Variants in LRRK2 observed in about 807,000 individuals in gnomAD.
LRRK2 encodes leucine-rich repeat serine/threonine-protein kinase 2.
LRRK2 carries 203 observed loss-of-function variants against 302.6 expected under a neutral mutation model. The observed-to-expected ratio is 0.67, with a 90% CI of 0.60 to 0.75. The LOEUF is 0.75. Ranked by LOEUF, LRRK2 falls within the 30% of genes least tolerant of loss-of-function variation. The pLI, the probability that LRRK2 is intolerant of heterozygous loss-of-function variation, is 0.00. For synonymous variants in LRRK2, 1,066 were observed against 1,031.9 expected, an observed-to-expected ratio of 1.03 and a Z score of -0.63; for missense variants, 2,830 against 2,951.0, an observed-to-expected ratio of 0.96 and a Z score of 0.95.
In LRRK2 at chr12:40,321,357, G is replaced by A. The variant is rs180879620; in HGVS notation, c.5170+169G>A. ...TAGAAAATAAGCTCATAAAACCTTG[G>A]AGTAGGCAATCTAAAGACACACAAG... On this transcript the variant is annotated intron_variant, in intron 35 of 50. Coordinates refer to ENST00000298910, the MANE Select transcript of LRRK2 (RefSeq NM_198578.4). 2.5e-4 allele frequency among the ~76,000 whole-genome samples: 38 copies of A among 152,082 alleles called. 1 individual carries two copies. Among genetic ancestry groups the A allele is most frequent in the Middle Eastern group, 6.8e-3 (2 of 294 alleles).
chr12:40,242,789 C>G (rs1941789869), intron 6 of LRRK2, among the ~76,000 whole-genome samples: 1 of 47,666 alleles, frequency 2.1e-5, no homozygotes, highest in East Asian at 7.0e-4. Flanking sequence ...TAAAAGTGTT[C>G]CTATTTCTCC....
chr12:40,308,484 T>TA lies in LRRK2; in HGVS notation c.3983dup (p.Ala1329GlyfsTer5). On this transcript the variant is annotated frameshift_variant, in exon 29 of 51. Coordinates refer to ENST00000298910, the MANE Select transcript of LRRK2 (RefSeq NM_198578.4). LOFTEE classifies it high-confidence loss of function. ...AATACTAGGTTTCTTCAACAGCGAT[T>TA]AAAAAAGGCTGTGCCTTATAACCGA... 1.9e-6 allele frequency: 3 copies of TA among 1,613,490 alleles called. No individual in the cohort carries two copies. Among genetic ancestry groups the TA allele is most frequent in the Non-Finnish European group, 1.7e-6 (2 of 1,179,752 alleles).
At chr12:40,327,912 C>T (rs1451222072) in intron 38 of LRRK2, among the ~76,000 whole-genome samples, 1 of 152,172 alleles carries the variant, frequency 6.6e-6, no homozygotes, top group Non-Finnish European at 1.5e-5. Flanking sequence ...GTCTTGTTAT[C>T]ATCAGCTATA....
intron 38 of LRRK2, among the ~76,000 whole-genome samples, chr12:40,326,022 T>C (rs1945536812): frequency 6.6e-6 from 1 of 152,232 alleles, no homozygotes; most frequent in East Asian, 1.9e-4. Flanking sequence ...AAAATTTCCT[T>C]GCCTTCAATT....
chr12:40,308,735 ATTTG>A (rs771235673), intron 29 of LRRK2, 39 bp downstream of exon 29: 1 of 1,578,096 alleles, frequency 6.3e-7, no homozygotes, highest in South Asian at 1.1e-5. Context: ...CACTTTTACC[ATTTG>A]TTTGGAACAG....
intron 26 of LRRK2, 102 bp from the exon 27 acceptor site, chr12:40,303,846 C>T (rs528130745): frequency 2.5e-5 from 27 of 1,092,486 alleles, no homozygotes; most frequent in Admixed American, 1.7e-4. Flanking sequence ...CTAGTTTTGA[C>T]GTTACACTTT....
intron 25 of LRRK2, among the ~76,000 whole-genome samples, chr12:40,302,224 A>T (rs962154034): frequency 6.6e-6 from 1 of 151,904 alleles, no homozygotes; most frequent in African/African-American, 2.4e-5. Flanking sequence ...AAAAATCATA[A>T]AATATACCAG....
chr12:40,246,967 A>C (rs1157500468), intron 7 of LRRK2, among the ~76,000 whole-genome samples: 3 of 152,198 alleles, frequency 2.0e-5, no homozygotes, highest in Admixed American at 2.0e-4. Flanking sequence ...TTGCTGAATA[A>C]TAAGGAATGA....
At chr12:40,348,530 A>G (rs1946261613) in intron 43 of LRRK2, 21 bp downstream of exon 43, 1 of 1,519,480 alleles carries the variant, frequency 6.6e-7, no homozygotes, top group South Asian at 1.1e-5. Flanking sequence ...AGTTTTGTTA[A>G]TATTTTGTAC....
chr12:40,246,217 ATATT>A (rs1200384235), intron 7 of LRRK2, among the ~76,000 whole-genome samples: 2 of 151,842 alleles, frequency 1.3e-5, no homozygotes, highest in East Asian at 1.9e-4. Context: ...AAATATTAAA[ATATT>A]TAATTTTATC....
Position 40,368,129 on chromosome 12 carries a change from A to C in LRRK2, c.*364A>C, listed in dbSNP as rs10878441. ...AAACTTTATTTTAAATTCTGTGCTT[A>C]AGACAGGACTATTGCTTGTCGATTT... On this transcript the variant is annotated 3_prime_UTR_variant, in exon 51 of 51. Coordinates refer to ENST00000298910, the MANE Select transcript of LRRK2 (RefSeq NM_198578.4). 105,258 of 169,954 alleles carry C rather than the reference A, an allele frequency of 0.62. 32,946 individuals are homozygous for C. Among genetic ancestry groups the C allele is most frequent in the Non-Finnish European group, 0.67 (53,102 of 79,512 alleles). 10.5% of individuals were successfully genotyped at this position (169,954 alleles called of 1,614,324 possible). A position where few individuals can be genotyped will look rare whatever the true frequency, so the allele number is the denominator to read the frequency against.
chr12:40,296,514 C>A (rs1169121015), intron 23 of LRRK2, among the ~76,000 whole-genome samples: 4 of 151,754 alleles, frequency 2.6e-5, no homozygotes, highest in African/African-American at 7.3e-5. Context: ...CACCTGTGGT[C>A]CCAGCTACTT....
In LRRK2 at chr12:40,251,232, C is replaced by A; in HGVS notation, c.959C>A (p.Thr320Asn). The change falls in exon 9 of 51, where the codon ACT becomes AAT. Residue 320 changes from threonine to asparagine, a missense_variant and splice_region_variant. By Grantham distance (65) the Thr-to-Asn change is moderately conservative. Coordinates refer to ENST00000298910, the MANE Select transcript of LRRK2 (RefSeq NM_198578.4). ...TATATATTTTTCAATTTTTTTCAAG[C>A]TGAGACTATTTTCTTAAATCAAGAT... ...ISALSCLALL[T>N]ETIFLNQDLE... 1 of 1,565,184 alleles carries A rather than the reference C, an allele frequency of 6.4e-7. No individual in the cohort carries two copies. The highest frequency in any genetic ancestry group is 8.7e-7 in the Non-Finnish European group (1 of 1,147,578).
At chr12:40,355,539 T>TAAGGA in intron 45 of LRRK2, among the ~76,000 whole-genome samples, 1 of 29,420 alleles carries the variant, frequency 3.4e-5, no homozygotes, top group East Asian at 7.7e-4. Context: ...CTTCCTTCCT[T>TAAGGA]CCTTCTTCTT....
At chr12:40,319,533 C>G (rs1051970385) in intron 33 of LRRK2, among the ~76,000 whole-genome samples, 1 of 152,110 alleles carries the variant, frequency 6.6e-6, no homozygotes, top group Non-Finnish European at 1.5e-5. Context: ...TCATGAAACT[C>G]TGCTACACAG....
rs147815153 is a variant in LRRK2 at position 40,261,112 on chromosome 12, T to A, written c.1543+1508T>A. ...TTGAATCATGGTGTCCTATTCATAG[T>A]TTCAGCTTAGTTTTGAGACGTAATG... On this transcript the variant is annotated intron_variant, in intron 13 of 50. Coordinates refer to ENST00000298910, the MANE Select transcript of LRRK2 (RefSeq NM_198578.4). Among the ~76,000 whole-genome samples, 380 of 152,306 alleles carry A rather than the reference T, an allele frequency of 2.5e-3. 2 individuals are homozygous for A. Among genetic ancestry groups the A allele is most frequent in the African/African-American group, 8.4e-3 (348 of 41,562 alleles).
At chr12:40,325,203 C>T (rs982738575) in intron 38 of LRRK2, among the ~76,000 whole-genome samples, 62 of 152,252 alleles carry the variant, frequency 4.1e-4, no homozygotes, top group Non-Finnish European at 5.9e-5. Flanking sequence ...CAGAGAATTG[C>T]TTGAACCTGG....
chr12:40,300,459 A>G (rs1265011440), intron 25 of LRRK2, among the ~76,000 whole-genome samples: 1 of 152,244 alleles, frequency 6.6e-6, no homozygotes, highest in Non-Finnish European at 1.5e-5. Flanking sequence ...TACCTGACTC[A>G]GTAAAATAAT....
In LRRK2 at chr12:40,369,222, G is replaced by A. The variant is rs1946966209; in HGVS notation, c.*1457G>A. The A allele has an allele frequency of 6.6e-6, 1 of 151,320 alleles. No individual in the cohort carries two copies. The highest frequency in any genetic ancestry group is 1.9e-4 in the East Asian group (1 of 5,232). The allele number at this position is 151,320 out of a possible 1,614,324, so 9.4% of individuals were successfully genotyped here. ...TGTATTTGCAATTTTTTTTACCAAA[G>A]ACAAATTAAAAAAATGAATACCATA... is the stretch of plus-strand genomic sequence containing the variant. On this transcript the variant is annotated 3_prime_UTR_variant, in exon 51 of 51. Transcript: ENST00000298910.
Sources: allele counts gnomAD v4.1 joint callset (sites outside exome capture counted in the v4.1 genomes callset), GRCh38; gene constraint gnomAD v4.1.1; transcripts MANE v1.5; gene names NCBI Gene and HGNC (gene_info 2026-07-23, HGNC 2026-07-21).